The following WNK2 variants were observed in gnomAD, a reference collection of about 807,000 sequenced individuals.
WNK2 encodes WNK lysine deficient protein kinase 2.
In WNK2, 67 loss-of-function variants were observed where a neutral mutation model predicts 192.1. The observed-to-expected ratio is 0.35, with a 90% CI of 0.29 to 0.43. The LOEUF is 0.43. Ranked by LOEUF, WNK2 falls within the 20% of genes least tolerant of loss-of-function variation. The pLI is 1.00. For synonymous variants in WNK2, 1,439 were observed against 1,393.9 expected (o/e 1.03, Z -0.72); for missense variants, 2,698 against 3,089.7 (o/e 0.87, Z 3.01).
At chr9:93,300,746 C>T (rs147653443) in intron 26 of WNK2, among the ~76,000 whole-genome samples, 1 of 152,274 alleles carries the variant, frequency 6.6e-6, no homozygotes, top group East Asian at 1.9e-4. Flanking sequence ...CGCCCTGTGC[C>T]CTGCATGTGG....
chr9:93,259,544 C>T lies in WNK2; in HGVS notation c.2996C>T (p.Pro999Leu). 2 of 1,594,760 alleles carry T rather than the reference C, an allele frequency of 1.3e-6. No homozygotes were observed. Among genetic ancestry groups the T allele is most frequent in the Non-Finnish European group, 1.7e-6 (2 of 1,176,974 alleles). ...QPVLPPQPALPVRPEPLQPHL... is the reference protein window; with the variant it reads ...QPVLPPQPALLVRPEPLQPHL... ...GTGCTGCCCCCGCAGCCGGCACTGCCTGTGCGCCCTGAGCCCCTCCAGCCC... is the reference window on the plus strand; with the variant it reads ...GTGCTGCCCCCGCAGCCGGCACTGCTTGTGCGCCCTGAGCCCCTCCAGCCC... The change falls in exon 12 of 30, where the codon CCT (proline) becomes CTT (leucine). Residue 999 changes from proline (P) to leucine (L), a missense_variant. Physicochemically the swap from Pro to Leu is moderately conservative, Grantham distance 98. Around this residue, in one of 7 missense-constraint regions of WNK2, gnomAD observed 893 missense variants for 909.0 expected, o/e 0.98. Coordinates refer to ENST00000427277, the MANE Select transcript of WNK2 (RefSeq NM_006648.4). This position sits in a 1 kb window ranked among gnomAD's most constrained non-coding sequence, Gnocchi z 4.8.
rs113829586 is a variant in WNK2 at position 93,249,060 on chromosome 9, C to T, written c.1834+1226C>T. On this transcript the variant is annotated intron_variant, in intron 8 of 29. Transcript: ENST00000427277. ...CTACTATTTATGTCACTCGAACCTG[C>T]GCAGATTTGCTTTGGAGAATAAAAT... is the stretch of plus-strand genomic sequence containing the variant. Among the ~76,000 whole-genome samples the T allele has an allele frequency of 5.9e-5, 9 of 152,278 alleles. 1 individual carries two copies. In the South Asian group the frequency reaches 6.2e-4, roughly 11 times the overall value.
At chr9:93,232,964 C>CA (rs71511650) in intron 4 of WNK2, among the ~76,000 whole-genome samples, 15,064 of 81,914 alleles carry the variant, frequency 0.18, 2,155 homozygotes, top group African/African-American at 0.27. Context: ...CCTGTCTCTA[C>CA]AAAAAAAAAA....
At chr9:93,287,829 G>A (rs1168964007) in intron 19 of WNK2, among the ~76,000 whole-genome samples, 2 of 152,194 alleles carry the variant, frequency 1.3e-5, no homozygotes, top group Non-Finnish European at 2.9e-5. Flanking sequence ...GGGAGGCTGA[G>A]GCCAGCGGAT....
At chr9:93,221,336 A>G (rs955445839) in intron 2 of WNK2, among the ~76,000 whole-genome samples, 2 of 152,202 alleles carry the variant, frequency 1.3e-5, no homozygotes, top group African/African-American at 4.8e-5. Flanking sequence ...CATGGCTGCC[A>G]GCTTGTCCCG....
intron 19 of WNK2, among the ~76,000 whole-genome samples, chr9:93,274,515 C>CAAA (rs67350876): frequency 7.5e-4 from 89 of 118,360 alleles, no homozygotes; most frequent in African/African-American, 1.9e-3. Context: ...CCGTCTCAAC[C>CAAA]AAAAAAAAAA....
intron 2 of WNK2, among the ~76,000 whole-genome samples, chr9:93,204,663 G>A (rs1053625758): frequency 6.6e-6 from 1 of 152,262 alleles, no homozygotes; most frequent in African/African-American, 2.4e-5. Context: ...GGGACAGAGT[G>A]GGTGTTTGCA....
chr9:93,318,482 C>T (rs763173625), intron 29 of WNK2: 32 of 1,613,972 alleles, frequency 2.0e-5, no homozygotes, highest in Admixed American at 1.3e-4. Flanking sequence ...TCAGTTGTTG[C>T]GCTGGGCCAT....
At chr9:93,218,246 C>T (rs1055304667) in intron 2 of WNK2, among the ~76,000 whole-genome samples, 5 of 152,208 alleles carry the variant, frequency 3.3e-5, no homozygotes, top group East Asian at 1.9e-4. Context: ...TGGGGTGCCC[C>T]GCCTGCCCCA....
chr9:93,264,637 G>A (rs996007683), intron 16 of WNK2, among the ~76,000 whole-genome samples: 1 of 152,222 alleles, frequency 6.6e-6, no homozygotes, highest in Non-Finnish European at 1.5e-5. Flanking sequence ...AAGCACGCAC[G>A]AAGAAACATG....
intron 26 of WNK2, 137 bp from the exon 27 acceptor site, chr9:93,306,640 C>G: frequency 9.0e-7 from 1 of 1,116,390 alleles, no homozygotes; most frequent in South Asian, 1.3e-5. Flanking sequence ...CCGGCCGGGT[C>G]GGCCCTCTCT....
intron 4 of WNK2, among the ~76,000 whole-genome samples, chr9:93,232,463 C>G (rs1314394354): frequency 1.3e-5 from 2 of 152,200 alleles, no homozygotes; most frequent in African/African-American, 2.4e-5. Context: ...GCTTTGAGCT[C>G]TGTGCACTTT....
intron 29 of WNK2, among the ~76,000 whole-genome samples, chr9:93,319,537 T>C (rs1324904813): frequency 6.6e-6 from 1 of 152,232 alleles, no homozygotes; most frequent in African/African-American, 2.4e-5. Context: ...CCACGGGCTG[T>C]GACCATGATG....
chr9:93,316,127 A>G (rs973743024), intron 28 of WNK2: 3 of 151,864 alleles, frequency 2.0e-5, no homozygotes. Context: ...TGAATTTGCT[A>G]TTTTGTTTGC....
intron 2 of WNK2, among the ~76,000 whole-genome samples, chr9:93,227,845 C>A (rs2131963252): frequency 6.6e-6 from 1 of 152,224 alleles, no homozygotes; most frequent in Non-Finnish European, 1.5e-5. Flanking sequence ...ATTTTATTGT[C>A]TGGATTAAAC....
At chr9:93,288,354 T>A (rs981044965) in intron 19 of WNK2, among the ~76,000 whole-genome samples, 2 of 150,876 alleles carry the variant, frequency 1.3e-5, no homozygotes, top group Non-Finnish European at 3.0e-5. Context: ...TTAAACTCTT[T>A]AATTTTGAAA....
At chr9:93,241,413 A>G (rs1006835389) in intron 7 of WNK2, among the ~76,000 whole-genome samples, 2 of 152,184 alleles carry the variant, frequency 1.3e-5, no homozygotes, top group Non-Finnish European at 2.9e-5. Context: ...ATGTGTCCTG[A>G]CCACAGAGGT....
Position 93,320,547 on chromosome 9 carries a change from TA to T in WNK2, c.*161del. ...TGGAAACACAAATGTAATGCAAGAA[TA>T]AAAAATATTTTGGGGCAGAAAGGAC... On this transcript the variant is annotated 3_prime_UTR_variant, in exon 30 of 30. Transcript: ENST00000427277. 1 of 844,038 alleles carries T rather than the reference TA, an allele frequency of 1.2e-6. No individual in the cohort carries two copies. The highest frequency in any genetic ancestry group is 1.7e-6 in the Non-Finnish European group (1 of 601,006). 52.3% of individuals were successfully genotyped at this position (844,038 alleles called of 1,614,324 possible).
In WNK2 at chr9:93,259,369, C is replaced by A. The variant is rs767382624; in HGVS notation, c.2821C>A (p.Gln941Lys). Residue 941 changes from glutamine (Q) to lysine (K), a missense_variant, in exon 12 of 30, where the codon CAG (glutamine) becomes AAG (lysine). Transcript: ENST00000427277. The surrounding 1 kb of genome is among the most constrained non-coding windows in gnomAD (Gnocchi z 4.8). ...GCAGAATATGAGGGCCACCCCTCCA[C>A]AGCCGGCACTGCCTCCACAACCCAC... ...TVQNMRATPPQPALPPQPTLP... is the reference protein window; with the variant it reads ...TVQNMRATPPKPALPPQPTLP... The A allele has an allele frequency of 5.0e-6, 8 of 1,612,056 alleles. No individual in the cohort carries two copies. The Admixed American group carries it at 1.3e-4, about 27-fold the overall frequency.
Sources: allele counts gnomAD v4.1 joint callset (sites outside exome capture counted in the v4.1 genomes callset), GRCh38; gene constraint gnomAD v4.1.1; regional missense constraint gnomAD v4.1.1; non-coding constraint Gnocchi (gnomAD v3.1); transcripts MANE v1.5; gene names NCBI Gene and HGNC (gene_info 2026-07-23, HGNC 2026-07-21).